OTC: variants seen among roughly 807,000 people sequenced by gnomAD.
OTC encodes ornithine transcarbamylase, mitochondrial.
In OTC, 3 loss-of-function variants were observed where a neutral mutation model predicts 30.3. The ratio of observed to expected loss-of-function variants is 0.10; its 90% CI spans 0.05 to 0.26. The LOEUF (loss-of-function observed/expected upper bound fraction) is 0.26. OTC is among the 10% of genes least tolerant of loss of function. OTC has a pLI of 1.00. For synonymous variants in OTC, 111 were observed against 99.7 expected, an observed-to-expected ratio of 1.11 and a Z score of -0.67; for missense variants, 194 against 260.3, an observed-to-expected ratio of 0.75 and a Z score of 1.75.
chrX:38,343,589 T>A, the OTC span, among the ~76,000 whole-genome samples: 1 of 112,314 alleles, frequency 8.9e-6, no homozygotes, highest in Non-Finnish European at 1.9e-5. Context: ...TAATCTTGTC[T>A]TCTGTGCAGA....
intron 8 of OTC, 78 bp from the exon 9 acceptor site, chrX:38,411,784 T>G (rs1167125182): frequency 1.8e-5 from 17 of 958,599 alleles, no homozygotes; most frequent in Non-Finnish European, 2.5e-5. Flanking sequence ...TGGCCATGTG[T>G]GTTTTTAGAT....
chrX:38,409,084 C>CTAAT, intron 8 of OTC, 59 bp downstream of exon 8: 1 of 1,110,696 alleles, frequency 9.0e-7, no homozygotes, highest in South Asian at 1.8e-5. Flanking sequence ...CCAGAACCAT[C>CTAAT]TAATCACTTA....
chrX:38,371,059 G>GC lies in OTC; in HGVS notation c.298+1189dup, dbSNP rs968328398. 1.5e-4 allele frequency among the ~76,000 whole-genome samples: 17 copies of GC among 111,419 alleles called. No homozygotes were observed. The East Asian group carries it at 2.8e-3, about 18-fold the overall frequency. On this transcript the variant is annotated intron_variant, in intron 3 of 9. Coordinates refer to ENST00000039007, the MANE Select transcript of OTC (RefSeq NM_000531.6). ...CCAAACTCATGGAGCTTTCCAGCAT[G>GC]CCCCCCCATCCTTCAGAAGTTGACT... is the stretch of plus-strand genomic sequence containing the variant.
chrX:38,363,194 T>C (rs955644716), intron 1 of OTC, among the ~76,000 whole-genome samples: 1 of 111,924 alleles, frequency 8.9e-6, no homozygotes, highest in African/African-American at 3.2e-5. Context: ...GGTTGATGGA[T>C]GTGAGTTCAA....
At chrX:38,369,574 T>C (rs2068313730) in intron 2 of OTC, among the ~76,000 whole-genome samples, 2 of 107,946 alleles carry the variant, frequency 1.9e-5, no homozygotes, top group South Asian at 4.2e-4. Flanking sequence ...TTGGCCAGGC[T>C]GGTCTCGAAC....
At chrX:38,363,492 CAGA>C (rs1175065549) in intron 1 of OTC, among the ~76,000 whole-genome samples, 1 of 111,715 alleles carries the variant, frequency 9.0e-6, no homozygotes, top group Admixed American at 9.5e-5. Flanking sequence ...TTATAATCCC[CAGA>C]AGAAGATTTC....
chrX:38,421,724 G>A (rs769267031), downstream of OTC, among the ~76,000 whole-genome samples: 1 of 112,271 alleles, frequency 8.9e-6, no homozygotes, highest in Non-Finnish European at 1.9e-5. Context: ...TCTGTAATGA[G>A]TACTTACTGT....
chrX:38,408,571 G>C (rs1349954569), intron 6 of OTC, among the ~76,000 whole-genome samples, 171 bp from the exon 7 acceptor site: 1 of 111,405 alleles, frequency 9.0e-6, no homozygotes, highest in Non-Finnish European at 1.9e-5. Context: ...ATTCCAAAAG[G>C]CACTATTGAG....
chrX:38,348,583 A>T (rs771854235), upstream of OTC, among the ~76,000 whole-genome samples: 1 of 95,382 alleles, frequency 1.0e-5, no homozygotes, highest in African/African-American at 4.0e-5. Flanking sequence ...GTCGCTCAGG[A>T]TGGAGTGCAG....
At chrX:38,411,727 C>A in intron 8 of OTC, 135 bp from the exon 9 acceptor site, 1 of 620,249 alleles carries the variant, frequency 1.6e-6, no homozygotes, top group Non-Finnish European at 2.7e-6. Flanking sequence ...GAGATAAAAC[C>A]ATCACTCTGC....
chrX:38,383,752 A>G (rs1342173933), intron 4 of OTC, among the ~76,000 whole-genome samples: 1 of 108,792 alleles, frequency 9.2e-6, no homozygotes, highest in Non-Finnish European at 1.9e-5. Flanking sequence ...GAGCCGAGAT[A>G]GCGCCATTGC....
At chrX:38,332,504 TTATATATATATATATATA>T in the OTC span, among the ~76,000 whole-genome samples, 3 of 39,381 alleles carry the variant, frequency 7.6e-5, 1 homozygote, top group African/African-American at 2.6e-4. Flanking sequence ...GCCCTAGATT[TTATATATATATATATATA>T]TATATATATA....
rs1437167680 is a variant in OTC, at chrX:38,367,156, C to T, written c.78-135C>T. On this transcript the variant is annotated intron_variant, in intron 1 of 9. Coordinates refer to ENST00000039007, the MANE Select transcript of OTC (RefSeq NM_000531.6). ...TTGTGCCACACTCCAGCCTGGGCCA[C>T]AGAGTGAGAACCTGTCTCAAAAAAA... The T allele has an allele frequency of 6.0e-6, 3 of 495,921 alleles. No individual in the cohort carries two copies. The South Asian group carries it at 9.6e-5, about 16-fold the overall frequency. 40.9% of individuals were successfully genotyped at this position (495,921 alleles called of 1,213,427 possible). A position where few individuals can be genotyped will look rare whatever the true frequency, so the allele number is the denominator to read the frequency against.
At chrX:38,419,736 A>G (rs778489172) in intron 9 of OTC, among the ~76,000 whole-genome samples, 4 of 111,652 alleles carry the variant, frequency 3.6e-5, no homozygotes, top group Non-Finnish European at 7.5e-5. Context: ...GGTGGACATT[A>G]TGCTAAGTAA....
At chrX:38,364,241 C>T (rs1330844636) in intron 1 of OTC, among the ~76,000 whole-genome samples, 2 of 111,736 alleles carry the variant, frequency 1.8e-5, no homozygotes, top group Non-Finnish European at 3.8e-5. Flanking sequence ...AGTATAGCAG[C>T]ACATATAAAC....
intron 9 of OTC, among the ~76,000 whole-genome samples, chrX:38,415,962 T>A (rs182232852): frequency 0.018 from 1,979 of 112,289 alleles, 36 homozygotes; most frequent in African/African-American, 0.06. Context: ...GTGGCTACAC[T>A]ATTGGTATTG....
intron 3 of OTC, among the ~76,000 whole-genome samples, chrX:38,372,050 G>GT (rs899506922): frequency 6.2e-5 from 7 of 112,173 alleles, no homozygotes; most frequent in African/African-American, 1.9e-4. Context: ...TCAAATTTAA[G>GT]TTTTTTTAAA....
intron 4 of OTC, 54 bp downstream of exon 4, chrX:38,381,483 T>C (rs375817043): frequency 1.2e-3 from 930 of 789,785 alleles, no homozygotes; most frequent in Middle Eastern, 4.2e-3. Flanking sequence ...GATGGATAAA[T>C]TTCAAAAATA....
At position 38,412,116 on chromosome X, in the gene OTC, T is replaced by C. The variant is rs1042775050; in HGVS notation, c.1005+117T>C. 4.3e-5 allele frequency: 30 copies of C among 702,347 alleles called. No homozygotes were observed. The African/African-American group carries it at 1.1e-3, about 25-fold the overall frequency. The allele number at this position is 702,347 out of a possible 1,213,427, so 57.9% of individuals were successfully genotyped here. A position where few individuals can be genotyped will look rare whatever the true frequency, so the allele number is the denominator to read the frequency against. ...TATCCAACTACATTACTTGCTCATG[T>C]AACATCTATTTTTTTCCAGAAACTT... On this transcript the variant is annotated intron_variant, in intron 9 of 9. Coordinates refer to ENST00000039007, the MANE Select transcript of OTC (RefSeq NM_000531.6).
Sources: gnomAD v4.1 joint callset for allele counts (sites outside exome capture counted in the v4.1 genomes callset) on GRCh38, gnomAD v4.1.1 for gene constraint, MANE v1.5 for transcripts, NCBI Gene and HGNC (gene_info 2026-07-23, HGNC 2026-07-21) for gene names.